STIL: variants seen among roughly 807,000 people sequenced by gnomAD.
STIL encodes the protein STIL centriolar assembly protein.
STIL carries 55 observed loss-of-function variants against 110.1 expected under a neutral mutation model. The observed-to-expected ratio is 0.50, with a 90% CI of 0.40 to 0.63. STIL has a LOEUF of 0.63. STIL is among the 20% of genes least tolerant of loss of function. STIL has a pLI of 0.00. For missense variants in STIL, 1,358 were observed against 1,530.0 expected (o/e 0.89, Z 1.87); for synonymous variants, 481 against 530.0 (o/e 0.91, Z 1.27).
In STIL at chr1:47,310,673, A is replaced by C. The variant is rs12407463; in HGVS notation, c.-43-311T>G. On this transcript the variant is annotated intron_variant, in intron 1 of 16. Coordinates refer to ENST00000371877, the MANE Select transcript of STIL (RefSeq NM_001048166.1). ...GAGCTCGGTAAGGCAGGTAGTATCA[A>C]ATGTATGAGATTTTGACCAAAAACC... 0.25 allele frequency among the ~76,000 whole-genome samples: 38,311 copies of C among 152,074 alleles called. 5,207 individuals carry two copies. Among genetic ancestry groups the C allele is most frequent in the Non-Finnish European group, 0.32 (21,532 of 67,964 alleles).
intron 2 of STIL, among the ~76,000 whole-genome samples, chr1:47,309,862 C>A (rs1487787404): frequency 6.6e-6 from 1 of 152,198 alleles, no homozygotes; most frequent in Non-Finnish European, 1.5e-5. Context: ...AGGAACCCAA[C>A]CAATTTCCCA....
Position 47,280,467 on chromosome 1 carries a change from G to A in STIL, c.1991C>T (p.Ala664Val), listed in dbSNP as rs1219680468. 2 of 1,614,102 alleles carry A rather than the reference G, an allele frequency of 1.2e-6. No individual in the cohort carries two copies. The highest frequency in any genetic ancestry group is 2.7e-5 in the African/African-American group (2 of 74,932). The change falls in exon 12 of 17, where the codon GCC becomes GTC. Residue 664 changes from alanine to valine, a missense_variant. Transcript: ENST00000371877. The part of the protein sequence containing the change: ...NAFCSSSSPI[A>V]LRPQGDMGSC... ...GCCCATATCTCCCTGAGGTCTCAAG[G>A]CTATAGGACTACTTGAAGAACAGAA...
At chr1:47,312,106 A>G (rs1349927917) in intron 1 of STIL, among the ~76,000 whole-genome samples, 1 of 152,166 alleles carries the variant, frequency 6.6e-6, no homozygotes, top group African/African-American at 2.4e-5. Context: ...GAGATTATTT[A>G]GAAGAGACTT....
In STIL at chr1:47,251,272, T is replaced by G; in HGVS notation, c.3731A>C (p.Lys1244Thr). ...AATTGTAATGTCCCCTTCATTTTCT[T>G]TCTCAGGATGTTGAGTGAACTCTGC... ...GKAEFTQHPE[K>T]ENEGDITIFP... Residue 1244 changes from lysine to threonine, a missense_variant, in exon 17 of 17, where the codon AAA becomes ACA. Lys to Thr is a moderately conservative substitution (Grantham distance 78). Coordinates refer to ENST00000371877, the MANE Select transcript of STIL (RefSeq NM_001048166.1). 1 of 1,612,254 alleles carries G rather than the reference T, an allele frequency of 6.2e-7. No individual in the cohort carries two copies. Among genetic ancestry groups the G allele is most frequent in the Non-Finnish European group, 8.5e-7 (1 of 1,178,636 alleles).
At chr1:47,275,630 A>ATT (rs10700108) in intron 12 of STIL, among the ~76,000 whole-genome samples, 50 of 146,982 alleles carry the variant, frequency 3.4e-4, no homozygotes, top group South Asian at 2.0e-3. Context: ...AATAAATAAG[A>ATT]TTTTTTTTTT....
rs551794589 is a variant in STIL at position 47,267,282 on chromosome 1, T to C, written c.2615+2353A>G. On this transcript the variant is annotated intron_variant, in intron 14 of 16. Coordinates refer to ENST00000371877, the MANE Select transcript of STIL (RefSeq NM_001048166.1). ...CTGAAACTATGTTATTTGCTGCTCATGTGGTTAAATTCCATAAAGTTAGGA... is the reference window on the plus strand; with the variant it reads ...CTGAAACTATGTTATTTGCTGCTCACGTGGTTAAATTCCATAAAGTTAGGA... 1.2e-4 allele frequency among the ~76,000 whole-genome samples: 18 copies of C among 152,356 alleles called. 1 individual carries two copies. The Middle Eastern group carries it at 0.01, about 86-fold the overall frequency.
chr1:47,293,358 T>C lies in STIL; in HGVS notation c.872+100A>G, dbSNP rs1261611289. The C allele has an allele frequency of 4.4e-6, 4 of 907,500 alleles. No individual in the cohort carries two copies. In the African/African-American group the frequency reaches 6.7e-5, roughly 15 times the overall value. The allele number at this position is 907,500 out of a possible 1,614,324, so 56.2% of individuals were successfully genotyped here. A position where few individuals can be genotyped will look rare whatever the true frequency, so the allele number is the denominator to read the frequency against. ...AATGTACGTGTTTATTTATAAGTATTGTAAAAGGTTACGGCATTACATGAA... is the reference window on the plus strand; with the variant it reads ...AATGTACGTGTTTATTTATAAGTATCGTAAAAGGTTACGGCATTACATGAA... On this transcript the variant is annotated intron_variant, in intron 8 of 16. Transcript: ENST00000371877.
chr1:47,288,511 G>A (rs1024493613), intron 9 of STIL, among the ~76,000 whole-genome samples: 2 of 151,810 alleles, frequency 1.3e-5, no homozygotes, highest in Non-Finnish European at 1.5e-5. Flanking sequence ...TGGCCAGGCT[G>A]GTCTCAAACT....
In STIL at chr1:47,269,821, T is replaced by G; in HGVS notation, c.2429A>C (p.Asp810Ala). ...WNAAGEDQEP[D>A]SQMKQDDTKI... The stretch of plus-strand genomic sequence containing the variant: ...GGTATCATCTTGCTTCATTTGAGAG[T>G]CAGGCTCTTGATCCTCACCTGCTGC... The change falls in exon 14 of 17, where the codon GAC (aspartate) becomes GCC (alanine). Residue 810 changes from aspartate (D) to alanine (A), a missense_variant. Asp to Ala is a moderately radical substitution (Grantham distance 126). Coordinates refer to ENST00000371877, the MANE Select transcript of STIL (RefSeq NM_001048166.1). 2 of 1,614,160 alleles carry G rather than the reference T, an allele frequency of 1.2e-6. No individual in the cohort carries two copies. The highest frequency in any genetic ancestry group is 1.7e-6 in the Non-Finnish European group (2 of 1,180,036).
rs1216339833 is a variant in STIL, at chr1:47,289,437, T to C, written c.1021A>G (p.Lys341Glu). ...TACTAGACAATGAAATCACTTACTT[T>C]GAAAAGATGTAATGTTTCCTTACTG... Reference protein sequence around the residue: ...LTSKETLHLFKNVEPPDKNPI... With the variant: ...LTSKETLHLFENVEPPDKNPI... Residue 341 changes from lysine (K) to glutamate (E), a missense_variant and splice_region_variant, in exon 9 of 17, where the codon AAA (lysine) becomes GAA (glutamate). Transcript: ENST00000371877. 6.2e-7 allele frequency: 1 copy of C among 1,613,712 alleles called. No individual in the cohort carries two copies. Among genetic ancestry groups the C allele is most frequent in the Admixed American group, 1.7e-5 (1 of 59,996 alleles).
chr1:47,267,167 A>G (rs1644677502), intron 14 of STIL, among the ~76,000 whole-genome samples: 1 of 152,190 alleles, frequency 6.6e-6, no homozygotes, highest in African/African-American at 2.4e-5. Flanking sequence ...TTACCACTCT[A>G]CTTAATATAA....
chr1:47,292,391 T>A (rs1645520570), intron 8 of STIL, among the ~76,000 whole-genome samples: 1 of 152,066 alleles, frequency 6.6e-6, no homozygotes, highest in African/African-American at 2.4e-5. Flanking sequence ...CTCTTTGGCC[T>A]AGAAAAAAAC....
chr1:47,277,951 T>C (rs987318554), intron 12 of STIL, among the ~76,000 whole-genome samples: 2 of 152,168 alleles, frequency 1.3e-5, no homozygotes, highest in African/African-American at 4.8e-5. Context: ...GTCCATGATC[T>C]TGTAACCTAC....
At chr1:47,306,011 G>T (rs1213541476) in intron 2 of STIL, among the ~76,000 whole-genome samples, 2 of 151,934 alleles carry the variant, frequency 1.3e-5, no homozygotes, top group African/African-American at 4.8e-5. Flanking sequence ...GATTACAGGC[G>T]TAAGCCACCG....
chr1:47,308,477 G>A (rs926813505), intron 2 of STIL, among the ~76,000 whole-genome samples: 3 of 151,456 alleles, frequency 2.0e-5, no homozygotes, highest in South Asian at 2.1e-4. Context: ...GGTTAGAACT[G>A]GAGATCACCA....
chr1:47,271,989 G>C, intron 13 of STIL, 87 bp downstream of exon 13: 4 of 1,431,260 alleles, frequency 2.8e-6, no homozygotes, highest in Non-Finnish European at 3.8e-6. Flanking sequence ...ACTGCACCAT[G>C]CACCAATTTG....
intron 11 of STIL, 38 bp from the exon 12 acceptor site, chr1:47,281,247 T>C (rs757597523): frequency 6.3e-7 from 1 of 1,586,612 alleles, no homozygotes; most frequent in South Asian, 1.1e-5. Flanking sequence ...AAAGTATTTT[T>C]TTGGAGAAAC....
chr1:47,283,625 T>C (rs897952764), intron 10 of STIL: 3 of 152,168 alleles, frequency 2.0e-5, no homozygotes, highest in Admixed American at 6.5e-5. Context: ...ATATCACCAG[T>C]ACTGGCATAC....
At chr1:47,254,783 T>G (rs986721517) in intron 16 of STIL, among the ~76,000 whole-genome samples, 3 of 152,112 alleles carry the variant, frequency 2.0e-5, no homozygotes, top group Non-Finnish European at 4.4e-5. Flanking sequence ...GATCCTCCCA[T>G]CTTGGCCTCC....
Sources: allele counts gnomAD v4.1 joint callset (sites outside exome capture counted in the v4.1 genomes callset), GRCh38; gene constraint gnomAD v4.1.1; transcripts MANE v1.5; gene names NCBI Gene and HGNC (gene_info 2026-07-23, HGNC 2026-07-21).